FILIP1L: variants seen among roughly 807,000 people sequenced by gnomAD.
FILIP1L encodes filamin A interacting protein 1 like, also known as filamin A-interacting protein 1-like.
A neutral mutation model predicts 96.6 loss-of-function variants in FILIP1L; 55 were observed. That is an observed-to-expected ratio of 0.57 (90% CI 0.46 to 0.71). The LOEUF (loss-of-function observed/expected upper bound fraction) is 0.71. FILIP1L is among the 30% of genes least tolerant of loss of function. The pLI, the probability that FILIP1L is intolerant of heterozygous loss-of-function variation, is 0.00. For synonymous variants in FILIP1L, 467 were observed against 473.9 expected (o/e 0.99, Z 0.19); for missense variants, 1,304 against 1,321.2 (o/e 0.99, Z 0.20).
At position 99,850,601 on chromosome 3, in the gene FILIP1L, T is replaced by C. The variant is rs1436739507; in HGVS notation, c.1075A>G (p.Ser359Gly). Residue 359 changes from serine (S) to glycine (G), a missense_variant, in exon 5 of 6, where the codon AGT becomes GGT. By Grantham distance (56) the Ser-to-Gly change is moderately conservative. Transcript: ENST00000477258. The stretch of plus-strand genomic sequence containing the variant: ...CCAGCGTTTCCATATTCTCCCTTAC[T>C]GATTTTTTCTTTTATATCTTGCAGC... ...EELQDIKEKI[S>G]KGEYGNAGIM... 3.1e-6 allele frequency: 5 copies of C among 1,613,916 alleles called. No individual in the cohort carries two copies. The highest frequency in any genetic ancestry group is 4.2e-6 in the Non-Finnish European group (5 of 1,180,026).
chr3:100,111,987 G>A (rs2066499226), intron 1 of FILIP1L, among the ~76,000 whole-genome samples: 2 of 152,176 alleles, frequency 1.3e-5, no homozygotes, highest in Admixed American at 6.6e-5. Flanking sequence ...TGGAGACCAT[G>A]TTTGCCTCAT....
At chr3:99,879,674 G>A (rs893609370) in intron 4 of FILIP1L, among the ~76,000 whole-genome samples, 2 of 152,170 alleles carry the variant, frequency 1.3e-5, no homozygotes, top group Admixed American at 1.3e-4. Context: ...CAGTTGGTAC[G>A]CTCTGCTCCC....
At chr3:100,009,763 GTCTC>G (rs961972107) in intron 1 of FILIP1L, among the ~76,000 whole-genome samples, 2 of 152,188 alleles carry the variant, frequency 1.3e-5, no homozygotes, top group African/African-American at 4.8e-5. Flanking sequence ...AGCTTTGATT[GTCTC>G]TCTCTTAGTA....
At chr3:100,032,714 G>A (rs1178341877) in intron 1 of FILIP1L, among the ~76,000 whole-genome samples, 4 of 152,062 alleles carry the variant, frequency 2.6e-5, no homozygotes, top group Non-Finnish European at 4.4e-5. Context: ...TAATTTATGG[G>A]CAGTTGAATA....
At chr3:100,021,140 C>T (rs545471267) in intron 1 of FILIP1L, among the ~76,000 whole-genome samples, 4 of 152,306 alleles carry the variant, frequency 2.6e-5, no homozygotes, top group South Asian at 4.1e-4. Context: ...CAAATCCTGA[C>T]GCAAAATTCC....
chr3:100,071,240 C>T (rs149861713), intron 1 of FILIP1L, among the ~76,000 whole-genome samples: 13 of 152,022 alleles, frequency 8.6e-5, no homozygotes, highest in Non-Finnish European at 1.8e-4. Context: ...TTTTCTCTTA[C>T]TCACTTCATC....
chr3:99,947,676 T>A (rs1708051312), intron 1 of FILIP1L, among the ~76,000 whole-genome samples: 1 of 152,240 alleles, frequency 6.6e-6, no homozygotes, highest in Admixed American at 6.5e-5. Context: ...ACCTCCCCTC[T>A]AAATTCTTTT....
intron 5 of FILIP1L, among the ~76,000 whole-genome samples, chr3:99,847,673 A>G (rs1455782579): frequency 1.3e-5 from 2 of 152,354 alleles, no homozygotes; most frequent in Non-Finnish European, 2.9e-5. Flanking sequence ...ATACTGAAAT[A>G]TATCCCAAGC....
At chr3:99,888,139 GAATA>G (rs1258644602) in intron 4 of FILIP1L, among the ~76,000 whole-genome samples, 8 of 152,104 alleles carry the variant, frequency 5.3e-5, no homozygotes, top group Non-Finnish European at 1.0e-4. Context: ...TCTGCTCTGA[GAATA>G]AAAATAAAAT....
chr3:99,981,160 G>A (rs992706436), intron 1 of FILIP1L, among the ~76,000 whole-genome samples: 3 of 152,148 alleles, frequency 2.0e-5, no homozygotes, highest in Non-Finnish European at 4.4e-5. Flanking sequence ...ACCCTGTGCT[G>A]GGATGTGGTG....
chr3:99,930,032 G>GT lies in FILIP1L; in HGVS notation c.253-4dup. 3.1e-6 allele frequency: 5 copies of GT among 1,593,848 alleles called. No individual in the cohort carries two copies. Among genetic ancestry groups the GT allele is most frequent in the Non-Finnish European group, 4.3e-6 (5 of 1,172,292 alleles). ...ATGCCTATGACCTCATCTCGAGCCT[G>GT]TAGGAACAAAAAGTATTTCAGAAAG... On this transcript the variant is annotated splice_region_variant and splice_polypyrimidine_tract_variant and intron_variant, in intron 2 of 5. Transcript: ENST00000477258.
intron 1 of FILIP1L, among the ~76,000 whole-genome samples, chr3:99,967,393 A>T (rs542193589): frequency 6.6e-6 from 1 of 152,332 alleles, no homozygotes; most frequent in East Asian, 1.9e-4. Flanking sequence ...GTGAAGAGTA[A>T]ATAGAAGTGT....
intron 3 of FILIP1L, among the ~76,000 whole-genome samples, chr3:99,926,953 C>A (rs1312506598): frequency 1.3e-5 from 2 of 152,180 alleles, no homozygotes; most frequent in Non-Finnish European, 2.9e-5. Flanking sequence ...TCATCACTGA[C>A]AGCATGATTT....
rs776317854 is a variant in FILIP1L, at chr3:99,849,808, T to C, written c.1868A>G (p.Asn623Ser). The C allele has an allele frequency of 1.3e-5, 21 of 1,612,898 alleles. No individual in the cohort carries two copies. The highest frequency in any genetic ancestry group is 3.3e-5 in the South Asian group (3 of 90,884). Residue 623 changes from asparagine to serine, a missense_variant, in exon 5 of 6, where the codon AAT (asparagine) becomes AGT (serine). Transcript: ENST00000477258. ...KSTTALHQEN[N>S]KIKELSQEVE... ...TTCTTGAGAGAGCTCCTTAATCTTA[T>C]TGTTTTCTTGGTGTAATGCTGTTGT...
At chr3:99,951,653 C>T (rs186381339) in intron 1 of FILIP1L, among the ~76,000 whole-genome samples, 162 of 152,290 alleles carry the variant, frequency 1.1e-3, no homozygotes, top group African/African-American at 3.7e-3. Context: ...TATACACAGT[C>T]CCCACTATGT....
At chr3:99,951,247 A>G (rs569913667) in intron 1 of FILIP1L, among the ~76,000 whole-genome samples, 15 of 152,160 alleles carry the variant, frequency 9.9e-5, no homozygotes, top group African/African-American at 3.4e-4. Context: ...TAACCACATT[A>G]TACACTCTAG....
At chr3:99,936,960 G>A (rs1294671155) in intron 1 of FILIP1L, among the ~76,000 whole-genome samples, 2 of 151,686 alleles carry the variant, frequency 1.3e-5, no homozygotes, top group Admixed American at 6.6e-5. Flanking sequence ...TTTTTGAGAC[G>A]GAGTTTTGCT....
intron 1 of FILIP1L, among the ~76,000 whole-genome samples, chr3:100,101,004 G>A (rs1045023047): frequency 6.6e-6 from 1 of 152,136 alleles, no homozygotes; most frequent in East Asian, 1.9e-4. Context: ...GATGACAGTG[G>A]CATCTCACTT....
chr3:100,092,068 C>G (rs1015753266), intron 1 of FILIP1L, among the ~76,000 whole-genome samples: 2 of 152,092 alleles, frequency 1.3e-5, no homozygotes, highest in African/African-American at 4.8e-5. Context: ...TTTCATAGGG[C>G]TATTATGAGC....
Sources: allele counts gnomAD v4.1 joint callset (sites outside exome capture counted in the v4.1 genomes callset), GRCh38; gene constraint gnomAD v4.1.1; transcripts MANE v1.5; gene names NCBI Gene and HGNC (gene_info 2026-07-23, HGNC 2026-07-21).